Variants in CRHR2 observed in about 807,000 individuals in gnomAD.
The protein encoded by CRHR2 is corticotropin releasing hormone receptor 2, also known as corticotropin-releasing hormone receptor 2.
In CRHR2, 53 loss-of-function variants were observed where a neutral mutation model predicts 57.9. That is an observed-to-expected ratio of 0.92 (90% CI 0.73 to 1.15). The LOEUF is 1.15. Ranked by LOEUF, CRHR2 falls within the 50% of genes most tolerant of loss-of-function variation. The probability of loss-of-function intolerance (pLI) is 0.00; values close to 1 mark genes in which losing one functional copy is unlikely to be tolerated. For synonymous variants in CRHR2, 213 were observed against 220.9 expected (o/e 0.96, Z 0.32); for missense variants, 532 against 542.6 (o/e 0.98, Z 0.19).
chr7:30,689,520 C>G (rs1004599121), intron 1 of CRHR2, among the ~76,000 whole-genome samples: 2 of 151,622 alleles, frequency 1.3e-5, no homozygotes, highest in Admixed American at 6.6e-5. Context: ...GGGGTCTGCT[C>G]TGTCCATCCC....
intron 1 of CRHR2, among the ~76,000 whole-genome samples, chr7:30,693,480 C>A (rs1371613433): frequency 2.0e-5 from 3 of 152,202 alleles, no homozygotes; most frequent in Admixed American, 6.5e-5. Flanking sequence ...CGGTGCTCTG[C>A]GCCCTCCCCA....
chr7:30,687,707 G>A (rs535907760), intron 2 of CRHR2, among the ~76,000 whole-genome samples: 8 of 152,348 alleles, frequency 5.3e-5, no homozygotes, highest in African/African-American at 1.9e-4. Context: ...GCTGCACTCA[G>A]AGCGGGGACC....
chr7:30,665,421 C>T lies in CRHR2; in HGVS notation c.425+109G>A, dbSNP rs755543548. 12 of 1,014,784 alleles carry T rather than the reference C, an allele frequency of 1.2e-5. No homozygotes were observed. Among genetic ancestry groups the T allele is most frequent in the Admixed American group, 6.7e-5 (3 of 44,668 alleles). 62.9% of individuals were successfully genotyped at this position (1,014,784 alleles called of 1,614,324 possible). On this transcript the variant is annotated intron_variant, in intron 4 of 11. Coordinates refer to ENST00000471646, the MANE Select transcript of CRHR2 (RefSeq NM_001883.5). This position sits in a 1 kb window ranked among gnomAD's most constrained non-coding sequence, Gnocchi z 4.5. Reference sequence around the variant, plus strand: ...ACCCAAACCCCACTTTCTCCACGGGCCCTTTTATCTGCTGGGCCCCAGAAT... The same window carrying T: ...ACCCAAACCCCACTTTCTCCACGGGTCCTTTTATCTGCTGGGCCCCAGAAT...
rs958108383 is a variant in CRHR2 at position 30,665,775 on chromosome 7, C to A, written c.316-136G>T. 1.7e-5 allele frequency: 12 copies of A among 690,432 alleles called. No individual in the cohort carries two copies. Among genetic ancestry groups the A allele is most frequent in the Non-Finnish European group, 3.0e-5 (12 of 405,648 alleles). The allele number at this position is 690,432 out of a possible 1,614,324, so 42.8% of individuals were successfully genotyped here. ...CCAGGTGTCATTGCCGTGCCTGGCT[C>A]TTAGGGTTCGTTCCTGTTGGCCCTG... On this transcript the variant is annotated intron_variant, in intron 3 of 11. Transcript: ENST00000471646. This position sits in a 1 kb window ranked among gnomAD's most constrained non-coding sequence, Gnocchi z 4.5.
chr7:30,657,393 C>T (rs1293675307), intron 8 of CRHR2, among the ~76,000 whole-genome samples: 2 of 152,086 alleles, frequency 1.3e-5, no homozygotes, highest in South Asian at 2.1e-4. Context: ...AAGCCTTCAG[C>T]GGGGCTGCCA....
chr7:30,682,288 C>G lies in CRHR2; in HGVS notation c.-8G>C. The G allele has an allele frequency of 6.4e-7, 1 of 1,558,244 alleles. No homozygotes were observed. Among genetic ancestry groups the G allele is most frequent in the Non-Finnish European group, 8.6e-7 (1 of 1,160,012 alleles). On this transcript the variant is annotated 5_prime_UTR_variant, in exon 1 of 12. Coordinates refer to ENST00000471646, the MANE Select transcript of CRHR2 (RefSeq NM_001883.5). ...GAGCAGTGCCGCGTCCATCGCGTCC[C>G]GCAGCCGCGTGCGGAGAGGGAGTGG...
chr7:30,656,203 G>C lies in CRHR2; in HGVS notation c.832-191C>G, dbSNP rs562244412. Among the ~76,000 whole-genome samples the C allele has an allele frequency of 6.6e-6, 1 of 152,130 alleles. No homozygotes were observed. The highest frequency in any genetic ancestry group is 2.4e-5 in the African/African-American group (1 of 41,524). On this transcript the variant is annotated intron_variant, in intron 8 of 11. Transcript: ENST00000471646. This position sits in a 1 kb window ranked among gnomAD's most constrained non-coding sequence, Gnocchi z 4.4. The stretch of plus-strand genomic sequence containing the variant: ...CCTCCCTCGCCAGGATGGGGAGACA[G>C]CCCCATTTTCCAGGGCCTGTGTCTC...
At chr7:30,689,309 C>A (rs1252320065) in intron 1 of CRHR2, 3 of 1,539,762 alleles carry the variant, frequency 1.9e-6, no homozygotes, top group South Asian at 2.4e-5. Context: ...GGATGAGGGT[C>A]AAAGATCAGG....
At chr7:30,673,443 C>A (rs1269423073) in intron 2 of CRHR2, among the ~76,000 whole-genome samples, 5 of 152,104 alleles carry the variant, frequency 3.3e-5, no homozygotes, top group Non-Finnish European at 5.9e-5. Context: ...GTCTCAAACT[C>A]CTGGCCTCAA....
chr7:30,661,188 C>CT (rs1192710946), intron 7 of CRHR2, among the ~76,000 whole-genome samples: 1 of 152,198 alleles, frequency 6.6e-6, no homozygotes, highest in Non-Finnish European at 1.5e-5. Context: ...TCACTGGCTG[C>CT]CAGAGGCATA....
chr7:30,681,188 A>C (rs1784693974), intron 2 of CRHR2, among the ~76,000 whole-genome samples: 1 of 152,118 alleles, frequency 6.6e-6, no homozygotes, highest in African/African-American at 2.4e-5. Flanking sequence ...CAGAGCCTCA[A>C]GCCAGTCCAT....
chr7:30,655,654 A>G lies in CRHR2; in HGVS notation c.979T>C (p.Phe327Leu). 6.2e-7 allele frequency: 1 copy of G among 1,614,184 alleles called. No individual in the cohort carries two copies. Among genetic ancestry groups the G allele is most frequent in the Non-Finnish European group, 8.5e-7 (1 of 1,179,998 alleles). ...PLLGITYMLF[F>L]VNPGEDDLSQ... ...AGGTCGTCCTCCCCGGGATTGACGAAGAAGAGCATGTAGGTGATGCCCAGG... is the reference window on the plus strand; with the variant it reads ...AGGTCGTCCTCCCCGGGATTGACGAGGAAGAGCATGTAGGTGATGCCCAGG... The change falls in exon 10 of 12, where the codon TTC becomes CTC. Residue 327 changes from phenylalanine to leucine, a missense_variant. Coordinates refer to ENST00000471646, the MANE Select transcript of CRHR2 (RefSeq NM_001883.5).
chr7:30,674,116 T>C (rs1784444999), intron 2 of CRHR2, among the ~76,000 whole-genome samples: 1 of 152,114 alleles, frequency 6.6e-6, no homozygotes, highest in Non-Finnish European at 1.5e-5. Flanking sequence ...TGCCCTGCCA[T>C]CCTTAAGCAG....
chr7:30,654,929 C>G, intron 11 of CRHR2, 110 bp downstream of exon 11: 1 of 1,556,374 alleles, frequency 6.4e-7, no homozygotes, highest in Non-Finnish European at 8.7e-7. Flanking sequence ...TATCTCAAGG[C>G]TTCCTCTCCC....
Position 30,691,328 on chromosome 7 carries a change from C to T in CRHR2, c.-260-2044G>A, listed in dbSNP as rs17159373. Among the ~76,000 whole-genome samples, 993 of 152,346 alleles carry T rather than the reference C, an allele frequency of 6.5e-3. 14 individuals are homozygous for T. The highest frequency in any genetic ancestry group is 0.047 in the East Asian group (242 of 5,180). On this transcript the variant is annotated intron_variant, in intron 1 of 13. Coordinates refer to the CRHR2 transcript ENST00000341843. ...GCAACCCAGAGGCATGCAGTGTCCA[C>T]GGTGCGCCCTTAGGCAGATGCAGCC...
chr7:30,686,296 G>A (rs1372307221), upstream of CRHR2: 1 of 1,391,938 alleles, frequency 7.2e-7, no homozygotes, highest in Non-Finnish European at 9.3e-7. Context: ...CCTCCCCAAG[G>A]GCAGGGCTGG....
intron 1 of CRHR2, among the ~76,000 whole-genome samples, chr7:30,695,502 T>C (rs1226860680): frequency 1.3e-5 from 2 of 151,734 alleles, no homozygotes; most frequent in African/African-American, 4.8e-5. Flanking sequence ...TTGTCTCACC[T>C]GTGCCGAGCC....
intron 2 of CRHR2, among the ~76,000 whole-genome samples, chr7:30,673,400 T>C (rs1784424260): frequency 6.6e-6 from 1 of 152,096 alleles, no homozygotes; most frequent in African/African-American, 2.4e-5. Flanking sequence ...GTTTGTTTTG[T>C]AGAAACGGGG....
Position 30,682,296 on chromosome 7 carries a change from C to G in CRHR2, c.-16G>C, listed in dbSNP as rs1283259960. 1.3e-6 allele frequency: 2 copies of G among 1,550,126 alleles called. No individual in the cohort carries two copies. Among genetic ancestry groups the G allele is most frequent in the East Asian group, 2.5e-5 (1 of 39,822 alleles). On this transcript the variant is annotated 5_prime_UTR_variant, in exon 1 of 12. Coordinates refer to ENST00000471646, the MANE Select transcript of CRHR2 (RefSeq NM_001883.5). ...CCGCGTCCATCGCGTCCCGCAGCCGCGTGCGGAGAGGGAGTGGGAGTGCGC... is the reference window on the plus strand; with the variant it reads ...CCGCGTCCATCGCGTCCCGCAGCCGGGTGCGGAGAGGGAGTGGGAGTGCGC...
Sources: gnomAD v4.1 joint callset for allele counts (sites outside exome capture counted in the v4.1 genomes callset) on GRCh38, gnomAD v4.1.1 for gene constraint, Gnocchi (gnomAD v3.1) non-coding constraint, MANE v1.5 for transcripts, NCBI Gene and HGNC (gene_info 2026-07-23, HGNC 2026-07-21) for gene names.